P2RY6: variants seen among roughly 807,000 people sequenced by gnomAD.
The protein encoded by P2RY6 is pyrimidinergic receptor P2Y6.
A neutral mutation model predicts 16.3 loss-of-function variants in P2RY6; 19 were observed. That is an observed-to-expected ratio of 1.16 (90% CI 0.81 to 1.71). The LOEUF is 1.71. P2RY6 is among the 40% of genes most tolerant of loss of function. The pLI, the probability that P2RY6 is intolerant of heterozygous loss-of-function variation, is 0.00. For synonymous variants in P2RY6, 184 were observed against 201.5 expected (o/e 0.91, Z 0.74); for missense variants, 389 against 455.5 (o/e 0.85, Z 1.33).
In P2RY6 at chr11:73,297,258, C is replaced by T. The variant is rs781206538; in HGVS notation, c.740C>T (p.Ala247Val). Residue 247 changes from alanine (A) to valine (V), a missense_variant, in exon 3 of 3, where the codon GCC (alanine) becomes GTC (valine). By Grantham distance (64) the Ala-to-Val change is moderately conservative (BLOSUM62 0). Coordinates refer to ENST00000540124, the MANE Select transcript of P2RY6 (RefSeq NM_001277204.2). ...AARMAVVVAAAFAISFLPFHI... is the reference protein window; with the variant it reads ...AARMAVVVAAVFAISFLPFHI... ...CGCATGGCCGTGGTGGTGGCTGCTGCCTTTGCCATCAGCTTCCTGCCTTTT... is the reference window on the plus strand; with the variant it reads ...CGCATGGCCGTGGTGGTGGCTGCTGTCTTTGCCATCAGCTTCCTGCCTTTT... 9 of 1,605,984 alleles carry T rather than the reference C, an allele frequency of 5.6e-6. No individual in the cohort carries two copies. The highest frequency in any genetic ancestry group is 6.8e-6 in the Non-Finnish European group (8 of 1,179,600).
At chr11:73,268,907 C>A (rs996323380), upstream of P2RY6, among the ~76,000 whole-genome samples, 1 of 152,214 alleles carries the variant, frequency 6.6e-6, no homozygotes, top group South Asian at 2.1e-4. Context: ...GCTACAGAGA[C>A]CCTTCTCAGC....
intron 1 of P2RY6, chr11:73,264,678 G>C (rs949357626): frequency 6.6e-6 from 1 of 152,578 alleles, no homozygotes; most frequent in African/African-American, 2.4e-5. Flanking sequence ...AGGGACAGGG[G>C]TAAGGGGTGC....
At chr11:73,291,107 A>G (rs1308275386) in intron 1 of P2RY6, among the ~76,000 whole-genome samples, 2 of 152,156 alleles carry the variant, frequency 1.3e-5, no homozygotes, top group Non-Finnish European at 2.9e-5. Context: ...CCATCTGTCA[A>G]GTGGGACCCC....
chr11:73,291,012 T>A (rs1407587468), intron 1 of P2RY6, among the ~76,000 whole-genome samples: 1 of 152,204 alleles, frequency 6.6e-6, no homozygotes, highest in African/African-American at 2.4e-5. Context: ...TCAGTGGTTG[T>A]TGAGGTGCCA....
chr11:73,266,834 C>G (rs1436772765), intron 1 of P2RY6, among the ~76,000 whole-genome samples: 1 of 152,164 alleles, frequency 6.6e-6, no homozygotes, highest in Non-Finnish European at 1.5e-5. Context: ...ACAGGGAGTA[C>G]TGCTGCCCCA....
In P2RY6 at chr11:73,298,128, C is replaced by G. The variant is rs1013603798; in HGVS notation, c.*623C>G. On this transcript the variant is annotated 3_prime_UTR_variant, in exon 3 of 3. Coordinates refer to ENST00000540124, the MANE Select transcript of P2RY6 (RefSeq NM_001277204.2). ...TGGCTGGGGGGAGGGGGTACACAGA[C>G]AGTGCCCATGACCCAGTCCAAGGAG... The G allele has an allele frequency of 6.0e-6, 1 of 167,538 alleles. No homozygotes were observed. Among genetic ancestry groups the G allele is most frequent in the Admixed American group, 6.5e-5 (1 of 15,302 alleles). 10.4% of individuals were successfully genotyped at this position (167,538 alleles called of 1,614,324 possible). A position where few individuals can be genotyped will look rare whatever the true frequency, so the allele number is the denominator to read the frequency against.
intron 1 of P2RY6, among the ~76,000 whole-genome samples, chr11:73,290,303 A>AAAG (rs1260016714): frequency 0.017 from 1,877 of 113,020 alleles, 23 homozygotes; most frequent in African/African-American, 0.028. Context: ...AGAAAGAAAG[A>AAAG]AAAGAAAGAA....
At chr11:73,278,829 T>C (rs1282158954) in intron 1 of P2RY6, among the ~76,000 whole-genome samples, 3 of 152,246 alleles carry the variant, frequency 2.0e-5, no homozygotes, top group Non-Finnish European at 4.4e-5. Context: ...CTATGAACAT[T>C]GATGTATAAA....
rs200821631 is a variant in P2RY6, at chr11:73,297,450, G to A, written c.932G>A (p.Arg311Gln). 23 of 1,612,550 alleles carry A rather than the reference G, an allele frequency of 1.4e-5. No individual in the cohort carries two copies. The highest frequency in any genetic ancestry group is 8.3e-5 in the Admixed American group (5 of 60,030). ...FYFTQKKFRR[R>Q]PHELLQKLTA... ...TTCACCCAGAAGAAGTTCCGCCGGC[G>A]ACCACATGAGCTCCTACAGAAACTC... The change falls in exon 3 of 3, where the codon CGA becomes CAA. Residue 311 changes from arginine (R) to glutamine (Q), a missense_variant. Physicochemically the swap from Arg to Gln is conservative, Grantham distance 43. Coordinates refer to ENST00000540124, the MANE Select transcript of P2RY6 (RefSeq NM_001277204.2).
Position 73,279,992 on chromosome 11 carries a change from G to C in P2RY6, c.-121+7526G>C, listed in dbSNP as rs570236020. ...AGAAGTAGAAGGAATCCTTCTATTT[G>C]ATCACTGAAGATTTCCTAAAGGACG... is the stretch of plus-strand genomic sequence containing the variant. On this transcript the variant is annotated intron_variant, in intron 1 of 2. Transcript: ENST00000540124. Among the ~76,000 whole-genome samples the C allele has an allele frequency of 2.6e-5, 4 of 152,260 alleles. No individual in the cohort carries two copies. In the South Asian group the frequency reaches 8.3e-4, roughly 32 times the overall value.
At chr11:73,289,559 C>T (rs1256758643) in intron 1 of P2RY6, 2 of 152,348 alleles carry the variant, frequency 1.3e-5, no homozygotes, top group Non-Finnish European at 2.9e-5. Context: ...GTGCCAGCCC[C>T]GAGGGGAGGC....
At chr11:73,296,219 G>A (rs1864466129) in intron 2 of P2RY6, among the ~76,000 whole-genome samples, 1 of 25,482 alleles carries the variant, frequency 3.9e-5, no homozygotes, top group South Asian at 1.7e-3. Flanking sequence ...TAGGAAGGCT[G>A]AAGGAAAAAA....
chr11:73,296,233 A>T (rs201347854), intron 2 of P2RY6, among the ~76,000 whole-genome samples: 2,949 of 124,418 alleles, frequency 0.024, 54 homozygotes, highest in Middle Eastern at 0.045. Context: ...GAAAAAAAAA[A>T]ATATATATAT....
intron 1 of P2RY6, among the ~76,000 whole-genome samples, chr11:73,276,704 G>C (rs1363385533): frequency 6.6e-6 from 1 of 152,190 alleles, no homozygotes; most frequent in Non-Finnish European, 1.5e-5. Context: ...CAGGAGGATG[G>C]GGATAAAAGG....
chr11:73,267,515 G>C (rs1047749303), upstream of P2RY6, among the ~76,000 whole-genome samples: 3 of 152,128 alleles, frequency 2.0e-5, no homozygotes, highest in African/African-American at 7.2e-5. Flanking sequence ...AAAGGAAGGA[G>C]AGAGAGAACA....
upstream of P2RY6, among the ~76,000 whole-genome samples, chr11:73,270,587 G>A (rs1208383368): frequency 2.0e-5 from 3 of 152,174 alleles, no homozygotes; most frequent in Non-Finnish European, 4.4e-5. Flanking sequence ...CTCGCCTACT[G>A]GGATATTGGG....
At chr11:73,271,781 A>G (rs1472074203), upstream of P2RY6, 4 of 152,136 alleles carry the variant, frequency 2.6e-5, no homozygotes, top group East Asian at 7.7e-4. Context: ...AGTATAAAAC[A>G]GTATGAGAGG....
rs2135774388 is a variant in P2RY6 at position 73,297,963 on chromosome 11, C to T, written c.*458C>T. 5.4e-6 allele frequency: 1 copy of T among 185,336 alleles called. No individual in the cohort carries two copies. The highest frequency in any genetic ancestry group is 2.4e-5 in the African/African-American group (1 of 41,918). The allele number at this position is 185,336 out of a possible 1,614,324, so 11.5% of individuals were successfully genotyped here. ...GTGATATTCCATTTATTTAGAAAGC[C>T]TTTACTGACACCTTGTGCTCAGGCC... On this transcript the variant is annotated 3_prime_UTR_variant, in exon 3 of 3. Coordinates refer to ENST00000540124, the MANE Select transcript of P2RY6 (RefSeq NM_001277204.2).
chr11:73,278,234 C>T (rs1316462881), intron 1 of P2RY6, among the ~76,000 whole-genome samples: 1 of 151,928 alleles, frequency 6.6e-6, no homozygotes, highest in Non-Finnish European at 1.5e-5. Context: ...TGCAGTGGTG[C>T]GATCTCGGCT....
Sources: gnomAD v4.1 joint callset for allele counts (sites outside exome capture counted in the v4.1 genomes callset) on GRCh38, gnomAD v4.1.1 for gene constraint, MANE v1.5 for transcripts, NCBI Gene and HGNC (gene_info 2026-07-23, HGNC 2026-07-21) for gene names.